DNHD1: variants seen among roughly 807,000 people sequenced by gnomAD.
The protein encoded by DNHD1 is dynein heavy chain domain-containing protein 1.
DNHD1 carries 383 observed loss-of-function variants against 458.1 expected under a neutral mutation model. The observed-to-expected ratio is 0.84, with a 90% confidence interval of 0.77 to 0.91. The LOEUF is 0.91. Among genes scored for constraint, DNHD1 ranks in the 40% least tolerant of loss-of-function variants. The probability of loss-of-function intolerance (pLI) is 0.00; values close to 1 mark genes in which losing one functional copy is unlikely to be tolerated. For missense variants in DNHD1, 5,336 were observed against 5,866.1 expected, an observed-to-expected ratio of 0.91 and a Z score of 2.95; for synonymous variants, 2,203 against 2,376.9, an observed-to-expected ratio of 0.93 and a Z score of 2.13.
At position 6,528,622 on chromosome 11, in the gene DNHD1, A is replaced by T. The variant is rs555156573; in HGVS notation, c.1938A>T (p.Gly646=). ...GCATCTTCTGTGGCCCGAATGTGGG[A>T]TTGGTGTGGCCCTGGAAGTCTCACC... ...AVSIFCGPNV[G]LVWPWKSHPI... The change falls in exon 11 of 43, where the codon GGA becomes GGT. Residue 646 remains glycine, a synonymous_variant. Transcript: ENST00000254579. The T allele has an allele frequency of 1.4e-4, 219 of 1,551,624 alleles. No individual in the cohort carries two copies. The highest frequency in any genetic ancestry group is 1.2e-3 in the Admixed American group (61 of 51,002).
At chr11:6,511,144 C>G in intron 6 of DNHD1, 129 bp from the exon 7 acceptor site, 1 of 1,261,492 alleles carries the variant, frequency 7.9e-7, no homozygotes, top group Non-Finnish European at 1.1e-6. Flanking sequence ...CACTATTGGT[C>G]ACTGTTGGTA....
chr11:6,519,499 C>G, intron 7 of DNHD1, 101 bp from the exon 8 acceptor site: 1 of 1,348,546 alleles, frequency 7.4e-7, no homozygotes, highest in Non-Finnish European at 1.0e-6. Flanking sequence ...TATCTAGGTT[C>G]TAGGTCCCAG....
intron 24 of DNHD1, among the ~76,000 whole-genome samples, chr11:6,551,754 A>T (rs1011949793): frequency 6.6e-6 from 1 of 152,212 alleles, no homozygotes; most frequent in Non-Finnish European, 1.5e-5. Context: ...CATCCTGGCC[A>T]ACATGGTGAA....
At chr11:6,534,322 A>G (rs1852893992) in intron 14 of DNHD1, 149 bp downstream of exon 14, 2 of 837,874 alleles carry the variant, frequency 2.4e-6, no homozygotes, top group Non-Finnish European at 3.6e-6. Context: ...ATAAATGAAA[A>G]TTTCAGGACA....
intron 6 of DNHD1, among the ~76,000 whole-genome samples, chr11:6,510,985 C>A (rs147181970): frequency 6.6e-6 from 1 of 152,148 alleles, no homozygotes. Flanking sequence ...CTAAGTCAGA[C>A]CTTGGTATCT....
intron 6 of DNHD1, among the ~76,000 whole-genome samples, chr11:6,510,140 A>G (rs544960671): frequency 6.6e-6 from 1 of 151,914 alleles, no homozygotes; most frequent in African/African-American, 2.4e-5. Flanking sequence ...CTGGAGTACA[A>G]TGGCGCGATT....
Position 6,556,807 on chromosome 11 carries a change from C to T in DNHD1, c.7512C>T (p.Val2504=), listed in dbSNP as rs1479864842. The change falls in exon 25 of 43, where the codon GTC becomes GTT. Residue 2504 remains valine, a synonymous_variant. Transcript: ENST00000254579. ...LQPTVNFLAT[V]TVPGYCERPL... is the part of the protein sequence containing the mutation. Reference sequence around the variant, plus strand: ...CTACAGTCAACTTCCTTGCCACTGTCACAGTGCCAGGATACTGTGAGCGCC... The same window carrying T: ...CTACAGTCAACTTCCTTGCCACTGTTACAGTGCCAGGATACTGTGAGCGCC... 1 of 1,551,668 alleles carries T rather than the reference C, an allele frequency of 6.4e-7. No homozygotes were observed. The highest frequency in any genetic ancestry group is 8.7e-7 in the Non-Finnish European group (1 of 1,146,938).
rs772925153 is a variant in DNHD1 at position 6,568,684 on chromosome 11, C to G, written c.12681C>G (p.Ser4227=). 6.2e-7 allele frequency: 1 copy of G among 1,613,764 alleles called. No individual in the cohort carries two copies. Among genetic ancestry groups the G allele is most frequent in the Non-Finnish European group, 8.5e-7 (1 of 1,179,812 alleles). ...CCCCAGCTGTGCTGACTCAGCACTC[C>G]ATGCCTGTTTTCTGGAACCAGTCCC... ...ASLPAVLTQH[S]MPVFWNQSLE... is the part of the protein sequence containing the mutation. The change falls in exon 39 of 43, where the codon TCC becomes TCG. Residue 4227 remains serine, a synonymous_variant. Transcript: ENST00000254579.
intron 4 of DNHD1, chr11:6,504,209 G>C (rs1397582923): frequency 6.6e-6 from 1 of 152,178 alleles, no homozygotes; most frequent in African/African-American, 2.4e-5. Flanking sequence ...GCATCCTGCT[G>C]GTTATTAATT....
chr11:6,511,337 C>T lies in DNHD1; in HGVS notation c.1300C>T (p.Leu434=). 6.2e-7 allele frequency: 1 copy of T among 1,614,258 alleles called. No individual in the cohort carries two copies. The highest frequency in any genetic ancestry group is 8.5e-7 in the Non-Finnish European group (1 of 1,180,046). The stretch of plus-strand genomic sequence containing the variant: ...GGAACTGGATCGGTGCTATGAGCTG[C>T]TGGACCTGCAGACGGCTCTAGCCGA... The part of the protein sequence containing the change: ...PQELDRCYEL[L]DLQTALAEEK... The change falls in exon 7 of 43, where the codon CTG becomes TTG. Residue 434 remains leucine (L), a synonymous_variant. Coordinates refer to ENST00000254579, the MANE Select transcript of DNHD1 (RefSeq NM_144666.3).
Position 6,545,807 on chromosome 11 carries a change from T to G in DNHD1, c.4868T>G (p.Leu1623Arg), listed in dbSNP as rs1165883255. 8 of 1,551,770 alleles carry G rather than the reference T, an allele frequency of 5.2e-6. No homozygotes were observed. The East Asian group carries it at 1.7e-4, about 33-fold the overall frequency. ...ATCCCCAAAAGCCCCCTACAGAGTC[T>G]TAAGACTATTGCATCTTCTGAACCC... ...HIIPKSPLQS[L>R]KTIASSEPSL... is the part of the protein sequence containing the mutation. Residue 1623 changes from leucine to arginine, a missense_variant, in exon 21 of 43, where the codon CTT becomes CGT. This residue lies in a region of DNHD1 where 3,932 missense variants were observed against 4,365.6 expected (regional missense o/e 0.90). Transcript: ENST00000254579. The surrounding 1 kb of genome is among the most constrained non-coding windows in gnomAD (Gnocchi z 4.9).
rs1296979595 is a variant in DNHD1 at position 6,570,613 on chromosome 11, C to G, written c.13106-5C>G. 53 of 1,596,848 alleles carry G rather than the reference C, an allele frequency of 3.3e-5. No homozygotes were observed. The highest frequency in any genetic ancestry group is 4.5e-5 in the Non-Finnish European group (53 of 1,170,612). ...TGTCCCTCACCCCTCACCTCTATCC[C>G]CAAGAGCTAAGGGAGCTGGATGCAA... On this transcript the variant is annotated splice_polypyrimidine_tract_variant and splice_region_variant and intron_variant, in intron 41 of 42. Coordinates refer to ENST00000254579, the MANE Select transcript of DNHD1 (RefSeq NM_144666.3).
At chr11:6,537,681 C>G (rs777495003) in intron 14 of DNHD1, among the ~76,000 whole-genome samples, 1 of 152,230 alleles carries the variant, frequency 6.6e-6, no homozygotes, top group Admixed American at 6.5e-5. Context: ...GCCTATAATC[C>G]CAGCACTTTG....
intron 14 of DNHD1, among the ~76,000 whole-genome samples, chr11:6,534,767 C>A (rs1360398965): frequency 6.6e-6 from 1 of 152,156 alleles, no homozygotes; most frequent in African/African-American, 2.4e-5. Flanking sequence ...AGAGCCATTA[C>A]CAAACAATGG....
In DNHD1 at chr11:6,548,756, C is replaced by G; in HGVS notation, c.7210C>G (p.Pro2404Ala). The G allele has an allele frequency of 1.3e-6, 2 of 1,551,630 alleles. No individual in the cohort carries two copies. The highest frequency in any genetic ancestry group is 1.7e-6 in the Non-Finnish European group (2 of 1,146,988). Reference sequence around the variant, plus strand: ...AGCCTTTGTGGAGGTGCTGGTAGAGCCACATCACCCTTACATATACAGCCC... The same window carrying G: ...AGCCTTTGTGGAGGTGCTGGTAGAGGCACATCACCCTTACATATACAGCCC... Reference protein sequence around the residue: ...KSAFVEVLVEPHHPYIYSPIH... With the variant: ...KSAFVEVLVEAHHPYIYSPIH... Residue 2404 changes from proline to alanine, a missense_variant, in exon 24 of 43, where the codon CCA (proline) becomes GCA (alanine). Physicochemically the swap from Pro to Ala is conservative, Grantham distance 27. Coordinates refer to ENST00000254579, the MANE Select transcript of DNHD1 (RefSeq NM_144666.3). This position sits in a 1 kb window ranked among gnomAD's most constrained non-coding sequence, Gnocchi z 4.4.
chr11:6,519,490 A>G, intron 7 of DNHD1, 110 bp from the exon 8 acceptor site: 1 of 1,232,656 alleles, frequency 8.1e-7, no homozygotes, highest in Non-Finnish European at 1.1e-6. Flanking sequence ...CCATATGTAT[A>G]TCTAGGTTCT....
At chr11:6,569,250 G>A (rs560864359) in intron 39 of DNHD1, among the ~76,000 whole-genome samples, 2 of 152,096 alleles carry the variant, frequency 1.3e-5, no homozygotes, top group Middle Eastern at 3.4e-3. Flanking sequence ...TTTGGGAGGC[G>A]AGGCGGATGG....
chr11:6,542,463 C>T (rs1448668557), intron 18 of DNHD1, among the ~76,000 whole-genome samples: 1 of 152,244 alleles, frequency 6.6e-6, no homozygotes, highest in Non-Finnish European at 1.5e-5. Flanking sequence ...ACAGCCCTTC[C>T]TCCACCTTTG....
At chr11:6,520,177 C>T (rs1187597104) in intron 9 of DNHD1, 61 bp from the exon 10 acceptor site, 4 of 1,605,938 alleles carry the variant, frequency 2.5e-6, no homozygotes, top group Non-Finnish European at 3.4e-6. Context: ...AAGCTCACAA[C>T]CTGGTTTGAA....
Sources: allele counts gnomAD v4.1 joint callset (sites outside exome capture counted in the v4.1 genomes callset), GRCh38; gene constraint gnomAD v4.1.1; regional missense constraint gnomAD v4.1.1; non-coding constraint Gnocchi (gnomAD v3.1); transcripts MANE v1.5; gene names NCBI Gene and HGNC (gene_info 2026-07-23, HGNC 2026-07-21).